Variants in CDH4 observed in about 807,000 individuals in gnomAD.
CDH4 encodes cadherin-4.
CDH4 carries 33 observed loss-of-function variants against 86.0 expected under a neutral mutation model. The ratio of observed to expected loss-of-function variants is 0.38; its 90% confidence interval spans 0.29 to 0.51. The LOEUF (loss-of-function observed/expected upper bound fraction) is 0.51. Among genes scored for constraint, CDH4 ranks in the 20% least tolerant of loss-of-function variants. The probability of loss-of-function intolerance (pLI) is 0.86; values close to 1 mark genes in which losing one functional copy is unlikely to be tolerated. For missense variants in CDH4, 1,114 were observed against 1,307.4 expected (o/e 0.85, Z 2.28); for synonymous variants, 555 against 549.4 (o/e 1.01, Z -0.14).
rs371659005 is a variant in CDH4, at chr20:61,910,612, G to C, written c.1374+5G>C. 4 of 1,611,002 alleles carry C rather than the reference G, an allele frequency of 2.5e-6. No individual in the cohort carries two copies. In the East Asian group the frequency reaches 8.9e-5, roughly 36 times the overall value. ...GGCATGGTCACCGTGGTGAAGGTGC[G>C]TACTCTTCTCACACCCTGCCAGGCA... On this transcript the variant is annotated splice_donor_5th_base_variant and intron_variant, in intron 9 of 15. Coordinates refer to ENST00000614565, the MANE Select transcript of CDH4 (RefSeq NM_001794.5).
At chr20:61,608,090 C>T (rs868131449) in intron 2 of CDH4, among the ~76,000 whole-genome samples, 7 of 152,196 alleles carry the variant, frequency 4.6e-5, no homozygotes, top group South Asian at 2.1e-4. Context: ...TCCCCTCGCC[C>T]CCAGACCCCA....
Position 61,827,578 on chromosome 20 carries a change from T to A in CDH4, c.577-17090T>A, listed in dbSNP as rs186775564. The stretch of plus-strand genomic sequence containing the variant: ...AACTCCTGATATATGACAACTTTTT[T>A]AAAAAATGTATTTCCTAGCTCTATC... On this transcript the variant is annotated intron_variant, in intron 4 of 15. Coordinates refer to ENST00000614565, the MANE Select transcript of CDH4 (RefSeq NM_001794.5). Among the ~76,000 whole-genome samples, 457 of 152,296 alleles carry A rather than the reference T, an allele frequency of 3.0e-3. 1 individual carries two copies. The highest frequency in any genetic ancestry group is 0.017 in the Middle Eastern group (5 of 294).
chr20:61,919,508 G>T (rs1476820598), intron 9 of CDH4, among the ~76,000 whole-genome samples: 3 of 152,370 alleles, frequency 2.0e-5, no homozygotes, highest in African/African-American at 7.2e-5. Context: ...GACAGTGCCT[G>T]GCCTGCCTGC....
At chr20:61,564,375 A>G (rs1177702978) in intron 2 of CDH4, among the ~76,000 whole-genome samples, 8 of 152,136 alleles carry the variant, frequency 5.3e-5, no homozygotes, top group Non-Finnish European at 7.4e-5. Context: ...TGTTGGAGGC[A>G]GGCCTGGTGG....
At chr20:61,258,433 GTTTA>G (rs2084112848) in intron 2 of CDH4, among the ~76,000 whole-genome samples, 6 of 150,820 alleles carry the variant, frequency 4.0e-5, no homozygotes, top group Non-Finnish European at 8.8e-5. Flanking sequence ...TTCTCAGTTA[GTTTA>G]GGACCATCTT....
At chr20:61,613,374 G>A (rs1037117895) in intron 2 of CDH4, among the ~76,000 whole-genome samples, 1 of 152,046 alleles carries the variant, frequency 6.6e-6, no homozygotes, top group Admixed American at 6.5e-5. Context: ...GCCAGATCTG[G>A]CCCAGGGCCG....
At chr20:61,633,000 A>ATCCATTCCTCCATCTACCCT (rs2086909379) in intron 2 of CDH4, among the ~76,000 whole-genome samples, 1 of 150,046 alleles carries the variant, frequency 6.7e-6, no homozygotes, top group Non-Finnish European at 1.5e-5. Flanking sequence ...CCATCTACCC[A>ATCCATTCCTCCATCTACCCT]TCCATTCCTC....
intron 2 of CDH4, among the ~76,000 whole-genome samples, chr20:61,428,257 G>C (rs539156938): frequency 6.6e-6 from 1 of 152,302 alleles, no homozygotes; most frequent in East Asian, 1.9e-4. Context: ...ACATACAGCA[G>C]GTGGTGTGGG....
At chr20:61,278,699 G>A (rs1170781960) in intron 2 of CDH4, among the ~76,000 whole-genome samples, 1 of 152,232 alleles carries the variant, frequency 6.6e-6, no homozygotes, top group African/African-American at 2.4e-5. Flanking sequence ...TGGGAGAGAA[G>A]GGGAGTGGTC....
chr20:61,747,927 T>C (rs2088437769), intron 3 of CDH4, among the ~76,000 whole-genome samples: 1 of 126,590 alleles, frequency 7.9e-6, no homozygotes, highest in Admixed American at 8.4e-5. Flanking sequence ...GTGAACTCTA[T>C]GCAGGAGAAA....
chr20:61,645,009 C>T (rs111272879), intron 2 of CDH4, among the ~76,000 whole-genome samples: 345 of 152,316 alleles, frequency 2.3e-3, no homozygotes, highest in African/African-American at 7.9e-3. Flanking sequence ...ACATGGCGGG[C>T]GAGCTCCCGG....
In CDH4 at chr20:61,831,035, G is replaced by T. The variant is rs540776375; in HGVS notation, c.577-13633G>T. Among the ~76,000 whole-genome samples, 6 of 152,280 alleles carry T rather than the reference G, an allele frequency of 3.9e-5. No individual in the cohort carries two copies. In the South Asian group the frequency reaches 1.2e-3, roughly 32 times the overall value. ...AAGAACTCTGGGAAAGAGGGCCGGG[G>T]TCTCGCCCCTCCTGGAGGCACTGGC... is the stretch of plus-strand genomic sequence containing the variant. On this transcript the variant is annotated intron_variant, in intron 4 of 15. Coordinates refer to ENST00000614565, the MANE Select transcript of CDH4 (RefSeq NM_001794.5).
intron 2 of CDH4, among the ~76,000 whole-genome samples, chr20:61,257,461 G>A (rs1464457523): frequency 6.6e-6 from 1 of 152,268 alleles, no homozygotes; most frequent in Non-Finnish European, 1.5e-5. Context: ...GAGAAGCGGA[G>A]CCGCGAAGTA....
intron 2 of CDH4, among the ~76,000 whole-genome samples, chr20:61,451,585 T>C (rs1462260876): frequency 6.6e-6 from 1 of 152,066 alleles, no homozygotes; most frequent in Non-Finnish European, 1.5e-5. Flanking sequence ...GCTTACTGGG[T>C]AAAGGGAAGA....
intron 2 of CDH4, among the ~76,000 whole-genome samples, chr20:61,622,487 C>T (rs1392801695): frequency 6.6e-6 from 1 of 152,236 alleles, no homozygotes; most frequent in Non-Finnish European, 1.5e-5. Context: ...CTGCAGCATC[C>T]GAGGACCAGA....
At chr20:61,699,119 G>T (rs1488064281) in intron 2 of CDH4, among the ~76,000 whole-genome samples, 2 of 152,248 alleles carry the variant, frequency 1.3e-5, no homozygotes, top group Non-Finnish European at 2.9e-5. Context: ...CTCGGCCATG[G>T]ACATGATTTG....
chr20:61,283,511 C>T (rs1437050744), intron 2 of CDH4, among the ~76,000 whole-genome samples: 1 of 99,788 alleles, frequency 1.0e-5, no homozygotes, highest in Non-Finnish European at 1.9e-5. Context: ...CACGCGTGTG[C>T]TGTGGTGTGT....
At chr20:61,834,670 C>G (rs1209459264) in intron 4 of CDH4, among the ~76,000 whole-genome samples, 1 of 152,254 alleles carries the variant, frequency 6.6e-6, no homozygotes, top group East Asian at 1.9e-4. Context: ...GGCGACACCT[C>G]TGAGGGCGAA....
intron 2 of CDH4, among the ~76,000 whole-genome samples, chr20:61,283,933 T>G (rs2027540): frequency 0.53 from 80,786 of 152,016 alleles, 22,995 homozygotes; most frequent in East Asian, 0.73. Flanking sequence ...TTGGACGTGC[T>G]TCCCAAGTGG....
Sources: allele counts gnomAD v4.1 joint callset (sites outside exome capture counted in the v4.1 genomes callset), GRCh38; gene constraint gnomAD v4.1.1; transcripts MANE v1.5; gene names NCBI Gene and HGNC (gene_info 2026-07-23, HGNC 2026-07-21).